The following NKAIN4 variants were observed in gnomAD, a reference collection of about 807,000 sequenced individuals.
NKAIN4 encodes sodium/potassium transporting ATPase interacting 4.
Under a neutral mutation model 28.8 loss-of-function variants are expected in NKAIN4, and 28 were observed. The observed-to-expected ratio is 0.97, with a 90% CI of 0.72 to 1.33. The LOEUF (loss-of-function observed/expected upper bound fraction) is 1.33, where lower values mean the gene tolerates loss of function less well. NKAIN4 is among the 40% of genes most tolerant of loss of function. The probability of loss-of-function intolerance (pLI) is 0.00; values close to 1 mark genes in which losing one functional copy is unlikely to be tolerated. For missense variants in NKAIN4, 289 were observed against 277.2 expected, an observed-to-expected ratio of 1.04 and a Z score of -0.30; for synonymous variants, 122 against 115.6, an observed-to-expected ratio of 1.06 and a Z score of -0.36.
intron 1 of NKAIN4, among the ~76,000 whole-genome samples, chr20:63,251,925 T>TG (rs2066967356): frequency 6.6e-6 from 1 of 152,154 alleles, no homozygotes; most frequent in Admixed American, 6.5e-5. Context: ...CGAGGAGGGA[T>TG]GTCTGCCCTG....
chr20:63,248,774 C>T (rs1256968228), intron 3 of NKAIN4, 41 bp downstream of exon 3: 34 of 1,389,410 alleles, frequency 2.4e-5, no homozygotes, highest in Non-Finnish European at 3.5e-5. Context: ...CGGCCCAGAC[C>T]CCAGGGAAGG....
chr20:63,247,359 G>C (rs750626232), intron 4 of NKAIN4: 1 of 1,509,158 alleles, frequency 6.6e-7, no homozygotes, highest in Admixed American at 2.0e-5. Context: ...GGTTGGCCCC[G>C]CCTGGGGGAG....
Position 63,242,629 on chromosome 20 carries a change from A to G in NKAIN4, c.533-6T>C, listed in dbSNP as rs200097891. ...AAATCCACCAATGAAATCAACTGAAAGAAATCAAGACCCAAATAAAACAAA... is the reference window on the plus strand; with the variant it reads ...AAATCCACCAATGAAATCAACTGAAGGAAATCAAGACCCAAATAAAACAAA... On this transcript the variant is annotated splice_region_variant and splice_polypyrimidine_tract_variant and intron_variant, in intron 5 of 6. Transcript: ENST00000370316. 1.2e-6 allele frequency: 2 copies of G among 1,605,682 alleles called. No individual in the cohort carries two copies. The highest frequency in any genetic ancestry group is 2.7e-5 in the African/African-American group (2 of 74,770).
chr20:63,246,218 G>A (rs370126540), intron 4 of NKAIN4, among the ~76,000 whole-genome samples: 16 of 152,296 alleles, frequency 1.1e-4, no homozygotes, highest in East Asian at 1.9e-4. Flanking sequence ...GTGAGCCACC[G>A]CACCCAGCCT....
At chr20:63,251,949 G>A (rs979241076) in intron 1 of NKAIN4, among the ~76,000 whole-genome samples, 3 of 152,180 alleles carry the variant, frequency 2.0e-5, no homozygotes, top group Non-Finnish European at 4.4e-5. Flanking sequence ...GAGCCCCGGG[G>A]GGAAGGTAAG....
At chr20:63,241,634 G>A in intron 6 of NKAIN4, 128 bp from the exon 7 acceptor site, 4 of 821,608 alleles carry the variant, frequency 4.9e-6, no homozygotes, top group Non-Finnish European at 8.3e-6. Context: ...TCAGGCCTTT[G>A]GCAGAAAGGA....
rs537047390 is a variant in NKAIN4, at chr20:63,248,724, G to A, written c.273+91C>T. On this transcript the variant is annotated intron_variant, in intron 3 of 6. Transcript: ENST00000370316. ...CACAGACTGAGCCCCTGCCTCAGAC[G>A]ACAGATGAAAAGCAAACACAGGGGG... 65 of 820,068 alleles carry A rather than the reference G, an allele frequency of 7.9e-5. No homozygotes were observed. The South Asian group carries it at 8.7e-4, about 11-fold the overall frequency. The allele number at this position is 820,068 out of a possible 1,614,324, so 50.8% of individuals were successfully genotyped here. A position where few individuals can be genotyped will look rare whatever the true frequency, so the allele number is the denominator to read the frequency against.
At chr20:63,242,937 G>A (rs1906603739) in intron 5 of NKAIN4, among the ~76,000 whole-genome samples, 1 of 151,138 alleles carries the variant, frequency 6.6e-6, no homozygotes, top group Admixed American at 6.6e-5. Flanking sequence ...CCTATGTGGG[G>A]ATGGCCTCGG....
At chr20:63,242,786 C>CGG (rs147746767) in intron 5 of NKAIN4, among the ~76,000 whole-genome samples, 163 bp from the exon 6 acceptor site, 1,180 of 53,814 alleles carry the variant, frequency 0.022, 19 homozygotes, top group African/African-American at 0.056. Flanking sequence ...CCTGGGGGGA[C>CGG]GGGGGGGGTG....
At position 63,244,102 on chromosome 20, in the gene NKAIN4, C is replaced by G; in HGVS notation, c.472-18G>C. On this transcript the variant is annotated intron_variant, in intron 4 of 6. Coordinates refer to ENST00000370316, the MANE Select transcript of NKAIN4 (RefSeq NM_152864.4). ...CCCAGAAGCTGAAAGACACCACAGGCAGGGGCGTGAGTGCGGCCAGGCGAG... is the reference window on the plus strand; with the variant it reads ...CCCAGAAGCTGAAAGACACCACAGGGAGGGGCGTGAGTGCGGCCAGGCGAG... The G allele has an allele frequency of 1.9e-6, 3 of 1,610,704 alleles. No homozygotes were observed. The highest frequency in any genetic ancestry group is 2.5e-6 in the Non-Finnish European group (3 of 1,178,646).
chr20:63,250,109 A>C (rs1208363149), intron 1 of NKAIN4, 37 bp from the exon 2 acceptor site: 1 of 1,533,062 alleles, frequency 6.5e-7, no homozygotes, highest in Admixed American at 2.1e-5. Context: ...GGTGGACCCG[A>C]GGGAGGCCCC....
chr20:63,248,927 A>C, intron 2 of NKAIN4, 32 bp from the exon 3 acceptor site: 6 of 1,469,728 alleles, frequency 4.1e-6, no homozygotes, highest in Non-Finnish European at 5.7e-6. Context: ...GCGGCAGCTG[A>C]ACACAGCTCC....
At chr20:63,248,261 G>C (rs554637161) in intron 3 of NKAIN4, 1 of 165,644 alleles carries the variant, frequency 6.0e-6, no homozygotes, top group Admixed American at 5.9e-5. Flanking sequence ...CCTGGCTTTA[G>C]GACCACCCTC....
Position 63,248,847 on chromosome 20 carries a change from A to C in NKAIN4, c.241T>G (p.Cys81Gly). Residue 81 changes from cysteine to glycine, a missense_variant, in exon 3 of 7, where the codon TGC (cysteine) becomes GGC (glycine). Coordinates refer to ENST00000370316, the MANE Select transcript of NKAIN4 (RefSeq NM_152864.4). ...AGGCCACCGACTTCCAGGTAGAAGC[A>C]GATGATGAAGACGTTCCAGGTGACC... ...VWVTWNVFII[C>G]FYLEVGGLLK... The C allele has an allele frequency of 6.2e-7, 1 of 1,612,920 alleles. No homozygotes were observed. Among genetic ancestry groups the C allele is most frequent in the Non-Finnish European group, 8.5e-7 (1 of 1,179,862 alleles).
chr20:63,248,533 G>T (rs924232478), intron 3 of NKAIN4: 2 of 402,720 alleles, frequency 5.0e-6, no homozygotes, highest in Non-Finnish European at 9.3e-6. Context: ...CTCTGCCAGG[G>T]TTTGCCCCTG....
chr20:63,254,277 C>T (rs1210850317), intron 1 of NKAIN4, 120 bp downstream of exon 1: 11 of 801,378 alleles, frequency 1.4e-5, no homozygotes, highest in South Asian at 5.9e-5. Flanking sequence ...CATCCCCCCT[C>T]GGAGCTGGCG....
At chr20:63,253,473 C>T (rs978883124) in intron 1 of NKAIN4, 1 of 985,562 alleles carries the variant, frequency 1.0e-6, no homozygotes, top group Non-Finnish European at 1.2e-6. Context: ...TCTGAAACAG[C>T]CCCTTCTGGC....
At chr20:63,244,185 A>G in intron 4 of NKAIN4, 101 bp from the exon 5 acceptor site, 1 of 998,068 alleles carries the variant, frequency 1.0e-6, no homozygotes, top group Non-Finnish European at 1.5e-6. Context: ...CCTGACCACC[A>G]AGGCCCTGCC....
chr20:63,243,742 G>A, intron 5 of NKAIN4: 1 of 312,976 alleles, frequency 3.2e-6, no homozygotes, highest in Non-Finnish European at 5.9e-6. Context: ...TCCTCCCGTG[G>A]CCACTGCGGG....
Sources: gnomAD v4.1 joint callset for allele counts (sites outside exome capture counted in the v4.1 genomes callset) on GRCh38, gnomAD v4.1.1 for gene constraint, MANE v1.5 for transcripts, NCBI Gene and HGNC (gene_info 2026-07-23, HGNC 2026-07-21) for gene names.